Variants in ACTL7A observed in about 807,000 individuals in gnomAD.
ACTL7A encodes the protein actin like 7A.
A neutral mutation model predicts 30.3 loss-of-function variants in ACTL7A; 27 were observed. The observed-to-expected ratio is 0.89, with a 90% CI of 0.66 to 1.23. The LOEUF is 1.23. Among genes scored for constraint, ACTL7A ranks in the 50% most tolerant of loss-of-function variants. ACTL7A has a pLI of 0.00. For synonymous variants in ACTL7A, 259 were observed against 241.4 expected (o/e 1.07, Z -0.67); for missense variants, 566 against 571.8 (o/e 0.99, Z 0.10).
In ACTL7A at chr9:108,862,322, C is replaced by T; in HGVS notation, c.-1C>T. ...CTAAGAGTGGTGCGGCTCTTGACAACATGTGGGCTCCACCAGCAGCAATCA... is the reference window on the plus strand; with the variant it reads ...CTAAGAGTGGTGCGGCTCTTGACAATATGTGGGCTCCACCAGCAGCAATCA... On this transcript the variant is annotated 5_prime_UTR_variant, in exon 1 of 1. Transcript: ENST00000333999. 6.2e-7 allele frequency: 1 copy of T among 1,606,854 alleles called. No individual in the cohort carries two copies. The highest frequency in any genetic ancestry group is 8.5e-7 in the Non-Finnish European group (1 of 1,177,388).
rs368815599 is a variant in ACTL7A at position 108,863,367 on chromosome 9, G to A, written c.1045G>A (p.Ala349Thr). 6.8e-6 allele frequency: 11 copies of A among 1,614,042 alleles called. No individual in the cohort carries two copies. The Admixed American group carries it at 8.3e-5, about 12-fold the overall frequency. The change falls in exon 1 of 1, where the codon GCC becomes ACC. Residue 349 changes from alanine to threonine, a missense_variant. Coordinates refer to ENST00000333999, the MANE Select transcript of ACTL7A (RefSeq NM_006687.4). ...TVSCLNKCDIALKRDLMGNIL... is the reference protein window; with the variant it reads ...TVSCLNKCDITLKRDLMGNIL... ...GTCCTGCCTTAACAAGTGTGACATC[G>A]CCCTCAAACGGGACCTCATGGGGAA...
chr9:108,862,637 G>A lies in ACTL7A; in HGVS notation c.315G>A (p.Glu105=). 1.9e-6 allele frequency: 3 copies of A among 1,614,180 alleles called. No individual in the cohort carries two copies. Among genetic ancestry groups the A allele is most frequent in the Non-Finnish European group, 2.5e-6 (3 of 1,180,034 alleles). The part of the protein sequence containing the change: ...ISTTVGKPYM[E]TAKTGDNRKE... Reference sequence around the variant, plus strand: ...CAACGGTGGGCAAGCCCTACATGGAGACCGCCAAGACTGGGGATAATCGCA... The same window carrying A: ...CAACGGTGGGCAAGCCCTACATGGAAACCGCCAAGACTGGGGATAATCGCA... The change falls in exon 1 of 1, where the codon GAG becomes GAA. Residue 105 remains glutamate (E), a synonymous_variant. Transcript: ENST00000333999.
At position 108,863,213 on chromosome 9, in the gene ACTL7A, T is replaced by G. The variant is rs140733865; in HGVS notation, c.891T>G (p.His297Gln). Reference sequence around the variant, plus strand: ...AGAAGAAAGTCCCTCTCAGTGAGCATACGATCCGCTACGTGCTGCCGGATG... The same window carrying G: ...AGAAGAAAGTCCCTCTCAGTGAGCAGACGATCCGCTACGTGCTGCCGGATG... ...IEEKKVPLSE[H>Q]TIRYVLPDGK... Residue 297 changes from histidine to glutamine, a missense_variant, in exon 1 of 1, where the codon CAT becomes CAG. Coordinates refer to ENST00000333999, the MANE Select transcript of ACTL7A (RefSeq NM_006687.4). 5.6e-6 allele frequency: 9 copies of G among 1,613,984 alleles called. No homozygotes were observed. The African/African-American group carries it at 1.1e-4, about 19-fold the overall frequency.
chr9:108,863,094 A>G lies in ACTL7A; in HGVS notation c.772A>G (p.Asn258Asp), dbSNP rs145223364. Reference sequence around the variant, plus strand: ...GACAGCCTACCTGCTGGGCCTGCTGAACAGTGCGGGGAACGAATTCACCCA... The same window carrying G: ...GACAGCCTACCTGCTGGGCCTGCTGGACAGTGCGGGGAACGAATTCACCCA... ...DLTAYLLGLL[N>D]SAGNEFTQDQ... is the part of the protein sequence containing the mutation. Residue 258 changes from asparagine to aspartate, a missense_variant, in exon 1 of 1, where the codon AAC (asparagine) becomes GAC (aspartate). Transcript: ENST00000333999. 6.2e-7 allele frequency: 1 copy of G among 1,614,096 alleles called. No homozygotes were observed. The highest frequency in any genetic ancestry group is 1.1e-5 in the South Asian group (1 of 91,082).
rs1346859683 is a variant in ACTL7A, at chr9:108,862,561, A to G, written c.239A>G (p.Tyr80Cys). The change falls in exon 1 of 1, where the codon TAC becomes TGC. Residue 80 changes from tyrosine to cysteine, a missense_variant. Tyr to Cys is a radical substitution (Grantham distance 194). Transcript: ENST00000333999. ...GTGGTCGTGGACCTGGGCACTGGCT[A>G]CTGTAAATGTGGCTTTGCCGGCCTG... ...KAVVVDLGTGYCKCGFAGLPR... is the reference protein window; with the variant it reads ...KAVVVDLGTGCCKCGFAGLPR... 2 of 1,614,178 alleles carry G rather than the reference A, an allele frequency of 1.2e-6. No individual in the cohort carries two copies. The highest frequency in any genetic ancestry group is 1.1e-5 in the South Asian group (1 of 91,090).
In ACTL7A at chr9:108,863,220, C is replaced by T. The variant is rs770746389; in HGVS notation, c.898C>T (p.Arg300Cys). 1.9e-5 allele frequency: 31 copies of T among 1,614,016 alleles called. No homozygotes were observed. Among genetic ancestry groups the T allele is most frequent in the East Asian group, 8.9e-5 (4 of 44,886 alleles). The change falls in exon 1 of 1, where the codon CGC (arginine) becomes TGC (cysteine). Residue 300 changes from arginine to cysteine, a missense_variant. By Grantham distance (180) the Arg-to-Cys change is radical. Transcript: ENST00000333999. ...KKVPLSEHTI[R>C]YVLPDGKEIQ... ...AGTCCCTCTCAGTGAGCATACGATC[C>T]GCTACGTGCTGCCGGATGGGAAGGA...
At position 108,862,336 on chromosome 9, in the gene ACTL7A, C is replaced by A. The variant is rs1827173304; in HGVS notation, c.14C>A (p.Pro5Gln). 6.2e-7 allele frequency: 1 copy of A among 1,610,202 alleles called. No individual in the cohort carries two copies. Among genetic ancestry groups the A allele is most frequent in the Non-Finnish European group, 8.5e-7 (1 of 1,178,702 alleles). The change falls in exon 1 of 1, where the codon CCA becomes CAA. Residue 5 changes from proline (P) to glutamine (Q), a missense_variant. Coordinates refer to ENST00000333999, the MANE Select transcript of ACTL7A (RefSeq NM_006687.4). ...GCTCTTGACAACATGTGGGCTCCAC[C>A]AGCAGCAATCATGGGGGATGGGCCC... MWAPPAAIMGDGPTK... is the reference protein window; with the variant it reads MWAPQAAIMGDGPTK...
In ACTL7A at chr9:108,862,559, C is replaced by G; in HGVS notation, c.237C>G (p.Gly79=). ...CAGTGGTCGTGGACCTGGGCACTGG[C>G]TACTGTAAATGTGGCTTTGCCGGCC... is the stretch of plus-strand genomic sequence containing the variant. ...TKAVVVDLGT[G]YCKCGFAGLP... is the part of the protein sequence containing the mutation. Residue 79 remains glycine, a synonymous_variant, in exon 1 of 1, where the codon GGC becomes GGG. Coordinates refer to ENST00000333999, the MANE Select transcript of ACTL7A (RefSeq NM_006687.4). The G allele has an allele frequency of 6.2e-7, 1 of 1,614,154 alleles. No individual in the cohort carries two copies. Among genetic ancestry groups the G allele is most frequent in the Non-Finnish European group, 8.5e-7 (1 of 1,180,028 alleles).
Position 108,862,733 on chromosome 9 carries a change from T to C in ACTL7A, c.411T>C (p.His137=), listed in dbSNP as rs372002575. The change falls in exon 1 of 1, where the codon CAT becomes CAC. Residue 137 remains histidine (H), a synonymous_variant. Coordinates refer to ENST00000333999, the MANE Select transcript of ACTL7A (RefSeq NM_006687.4). ...TCAAGCTGGTTAACCCTCTGCGACATGGCATCATCGTGGACTGGGATACAG... is the reference window on the plus strand; with the variant it reads ...TCAAGCTGGTTAACCCTCTGCGACACGGCATCATCGTGGACTGGGATACAG... ...VHLKLVNPLR[H]GIIVDWDTVQ... is the part of the protein sequence containing the mutation. 11 of 1,614,042 alleles carry C rather than the reference T, an allele frequency of 6.8e-6. No homozygotes were observed. The highest frequency in any genetic ancestry group is 9.3e-6 in the Non-Finnish European group (11 of 1,180,034).
At position 108,863,288 on chromosome 9, in the gene ACTL7A, C is replaced by CTTCA. The variant is rs754198251; in HGVS notation, c.967_970dup (p.Lys324IlefsTer22). ...AACGGTTCCTCTGCTCGGAGATGTTCTTCAAGCCATCTCTCATCAAGTCCA... is the reference window on the plus strand; with the variant it reads ...AACGGTTCCTCTGCTCGGAGATGTTCTTCATTCAAGCCATCTCTCATCAAGTCCA... On this transcript the variant is annotated frameshift_variant, in exon 1 of 1. Transcript: ENST00000333999. LOFTEE classifies it high-confidence loss of function. The CTTCA allele has an allele frequency of 6.2e-7, 1 of 1,614,122 alleles. No individual in the cohort carries two copies. The highest frequency in any genetic ancestry group is 8.5e-7 in the Non-Finnish European group (1 of 1,180,024).
Position 108,863,368 on chromosome 9 carries a change from C to T in ACTL7A, c.1046C>T (p.Ala349Val), listed in dbSNP as rs775666120. ...TCCTGCCTTAACAAGTGTGACATCG[C>T]CCTCAAACGGGACCTCATGGGGAAC... ...TVSCLNKCDI[A>V]LKRDLMGNIL... The change falls in exon 1 of 1, where the codon GCC becomes GTC. Residue 349 changes from alanine (A) to valine (V), a missense_variant. Physicochemically the swap from Ala to Val is moderately conservative, Grantham distance 64. Transcript: ENST00000333999. 3 of 1,614,214 alleles carry T rather than the reference C, an allele frequency of 1.9e-6. No individual in the cohort carries two copies. Among genetic ancestry groups the T allele is most frequent in the Non-Finnish European group, 2.5e-6 (3 of 1,180,050 alleles).
rs1183906632 is a variant in ACTL7A at position 108,862,993 on chromosome 9, C to T, written c.671C>T (p.Ser224Phe). ...GTGGTGGAGGTGGGCCATGGCGTGTCCTACGTGGTCCCCATCTACGAGGGT... is the reference window on the plus strand; with the variant it reads ...GTGGTGGAGGTGGGCCATGGCGTGTTCTACGTGGTCCCCATCTACGAGGGT... ...GLVVEVGHGV[S>F]YVVPIYEGYP... Residue 224 changes from serine (S) to phenylalanine (F), a missense_variant, in exon 1 of 1, where the codon TCC (serine) becomes TTC (phenylalanine). Ser to Phe is a radical substitution (Grantham distance 155, BLOSUM62 -2). Coordinates refer to ENST00000333999, the MANE Select transcript of ACTL7A (RefSeq NM_006687.4). The T allele has an allele frequency of 1.9e-6, 3 of 1,611,412 alleles. No homozygotes were observed. Among genetic ancestry groups the T allele is most frequent in the Non-Finnish European group, 2.5e-6 (3 of 1,178,498 alleles).
Position 108,863,334 on chromosome 9 carries a change from C to T in ACTL7A, c.1012C>T (p.Gln338Ter), listed in dbSNP as rs745634839. The T allele has an allele frequency of 1.2e-6, 2 of 1,614,212 alleles. No homozygotes were observed. The highest frequency in any genetic ancestry group is 1.7e-6 in the Non-Finnish European group (2 of 1,180,040). The change falls in exon 1 of 1, where the codon CAA (glutamine) becomes TAA (stop). Residue 338 changes from glutamine (Q) to a stop codon, truncating the protein, a stop_gained. Coordinates refer to ENST00000333999, the MANE Select transcript of ACTL7A (RefSeq NM_006687.4). LOFTEE classifies it high-confidence loss of function. Reference protein sequence around the residue: ...IKSMQLGLHTQTVSCLNKCDI... With the variant: ...IKSMQLGLHT Reference sequence around the variant, plus strand: ...GTCCATGCAGCTGGGCCTCCACACCCAAACCGTGTCCTGCCTTAACAAGTG... The same window carrying T: ...GTCCATGCAGCTGGGCCTCCACACCTAAACCGTGTCCTGCCTTAACAAGTG...
chr9:108,862,987 G>T lies in ACTL7A; in HGVS notation c.665G>T (p.Gly222Val), dbSNP rs776484063. 1 of 1,610,628 alleles carries T rather than the reference G, an allele frequency of 6.2e-7. No individual in the cohort carries two copies. Reference sequence around the variant, plus strand: ...GGCCTGGTGGTGGAGGTGGGCCATGGCGTGTCCTACGTGGTCCCCATCTAC... The same window carrying T: ...GGCCTGGTGGTGGAGGTGGGCCATGTCGTGTCCTACGTGGTCCCCATCTAC... ...TSGLVVEVGH[G>V]VSYVVPIYEG... Residue 222 changes from glycine (G) to valine (V), a missense_variant, in exon 1 of 1, where the codon GGC becomes GTC. Coordinates refer to ENST00000333999, the MANE Select transcript of ACTL7A (RefSeq NM_006687.4).
rs1299604083 is a variant in ACTL7A at position 108,862,408 on chromosome 9, A to C, written c.86A>C (p.Gln29Pro). 6.2e-7 allele frequency: 1 copy of C among 1,613,998 alleles called. No individual in the cohort carries two copies. The highest frequency in any genetic ancestry group is 8.5e-7 in the Non-Finnish European group (1 of 1,180,050). The part of the protein sequence containing the change: ...NQAPLQTQAL[Q>P]TASLRDGPAK... ...GCCCCCCTGCAGACACAGGCCCTCC[A>C]GACTGCCTCTTTAAGGGATGGCCCG... Residue 29 changes from glutamine to proline, a missense_variant, in exon 1 of 1, where the codon CAG (glutamine) becomes CCG (proline). Coordinates refer to ENST00000333999, the MANE Select transcript of ACTL7A (RefSeq NM_006687.4).
chr9:108,863,145 A>G lies in ACTL7A; in HGVS notation c.823A>G (p.Ile275Val), dbSNP rs1248795435. 2 of 1,614,038 alleles carry G rather than the reference A, an allele frequency of 1.2e-6. No individual in the cohort carries two copies. The highest frequency in any genetic ancestry group is 1.3e-5 in the African/African-American group (1 of 74,902). Residue 275 changes from isoleucine to valine, a missense_variant, in exon 1 of 1, where the codon ATC (isoleucine) becomes GTC (valine). Physicochemically the swap from Ile to Val is conservative, Grantham distance 29. Transcript: ENST00000333999. ...GGACCAGATGGGCATCGTGGAGGAC[A>G]TCAAGAAGAAATGCTGCTTTGTGGC... is the stretch of plus-strand genomic sequence containing the variant. ...TQDQMGIVED[I>V]KKKCCFVALD...
At position 108,862,345 on chromosome 9, in the gene ACTL7A, T is replaced by C. The variant is rs2118893785; in HGVS notation, c.23T>C (p.Ile8Thr). MWAPPAA[I>T]MGDGPTKKVG... ...AACATGTGGGCTCCACCAGCAGCAA[T>C]CATGGGGGATGGGCCCACCAAGAAG... Residue 8 changes from isoleucine to threonine, a missense_variant, in exon 1 of 1, where the codon ATC becomes ACC. Physicochemically the swap from Ile to Thr is moderately conservative, Grantham distance 89 (BLOSUM62 -1). Transcript: ENST00000333999. 6.2e-7 allele frequency: 1 copy of C among 1,611,820 alleles called. No individual in the cohort carries two copies. The highest frequency in any genetic ancestry group is 8.5e-7 in the Non-Finnish European group (1 of 1,179,264).
chr9:108,862,433 G>C lies in ACTL7A; in HGVS notation c.111G>C (p.Pro37=). 1 of 1,614,110 alleles carries C rather than the reference G, an allele frequency of 6.2e-7. No homozygotes were observed. The highest frequency in any genetic ancestry group is 8.5e-7 in the Non-Finnish European group (1 of 1,180,024). ...AGACTGCCTCTTTAAGGGATGGCCC[G>C]GCGAAGCGGGCCGTGTGGGTCCGCC... ...ALQTASLRDG[P]AKRAVWVRHT... is the part of the protein sequence containing the mutation. The change falls in exon 1 of 1, where the codon CCG becomes CCC. Residue 37 remains proline, a synonymous_variant. Transcript: ENST00000333999.
In ACTL7A at chr9:108,863,620, G is replaced by A; in HGVS notation, c.1298G>A (p.Arg433Lys). The change falls in exon 1 of 1, where the codon AGG becomes AAG. Residue 433 changes from arginine (R) to lysine (K), a missense_variant. Arg to Lys is a conservative substitution (Grantham distance 26). Coordinates refer to ENST00000333999, the MANE Select transcript of ACTL7A (RefSeq NM_006687.4). Reference sequence around the variant, plus strand: ...CACGGGCCTTTCTTCCTCTACAGAAGGTGCTTCTGAACAGCGACGAGGATG... The same window carrying A: ...CACGGGCCTTTCTTCCTCTACAGAAAGTGCTTCTGAACAGCGACGAGGATG... Reference protein sequence around the residue: ...EEHGPFFLYRRCF With the variant: ...EEHGPFFLYRKCF The A allele has an allele frequency of 6.2e-7, 1 of 1,607,876 alleles. No individual in the cohort carries two copies.
Sources: gnomAD v4.1 joint callset for allele counts on GRCh38, gnomAD v4.1.1 for gene constraint, MANE v1.5 for transcripts, NCBI Gene and HGNC (gene_info 2026-07-23, HGNC 2026-07-21) for gene names.